PDE1A: variants seen among roughly 807,000 people sequenced by gnomAD.
PDE1A encodes the protein phosphodiesterase 1A, also known as dual specificity calcium/calmodulin-dependent 3',5'-cyclic nucleotide phosphodiesterase 1A.
Under a neutral mutation model 61.7 loss-of-function variants are expected in PDE1A, and 35 were observed. The observed-to-expected ratio is 0.57, with a 90% CI of 0.43 to 0.75. PDE1A has a LOEUF of 0.75. Ranked by LOEUF, PDE1A falls within the 30% of genes least tolerant of loss-of-function variation. PDE1A has a pLI of 0.00. For missense variants in PDE1A, 597 were observed against 630.6 expected, an observed-to-expected ratio of 0.95 and a Z score of 0.57; for synonymous variants, 232 against 213.2, an observed-to-expected ratio of 1.09 and a Z score of -0.77.
At chr2:182,290,846 T>C (rs879682483) in intron 1 of PDE1A, among the ~76,000 whole-genome samples, 2 of 151,936 alleles carry the variant, frequency 1.3e-5, no homozygotes, top group Non-Finnish European at 2.9e-5. Context: ...AACCAATAAC[T>C]TCACCTTCCA....
the PDE1A span, among the ~76,000 whole-genome samples, chr2:182,639,648 A>G: frequency 6.6e-6 from 1 of 152,100 alleles, no homozygotes; most frequent in Non-Finnish European, 1.5e-5. Context: ...AAATACAGTA[A>G]GAGATATTGA....
chr2:182,228,538 T>C (rs2568677), intron 6 of PDE1A, among the ~76,000 whole-genome samples: 4,890 of 152,248 alleles, frequency 0.032, 268 homozygotes, highest in African/African-American at 0.11. Flanking sequence ...TAAAGCTTTT[T>C]TGTTTCAAAG....
the PDE1A span, among the ~76,000 whole-genome samples, chr2:182,697,246 G>C: frequency 1.3e-5 from 2 of 152,190 alleles, no homozygotes; most frequent in Non-Finnish European, 2.9e-5. Flanking sequence ...AAGGAACATG[G>C]ACCTTGGGGT....
At chr2:182,199,366 T>G (rs1686414232) in intron 10 of PDE1A, among the ~76,000 whole-genome samples, 1 of 152,062 alleles carries the variant, frequency 6.6e-6, no homozygotes, top group African/African-American at 2.4e-5. Flanking sequence ...TGATTCAATT[T>G]TCTTAATTTC....
chr2:182,639,645 G>T, the PDE1A span, among the ~76,000 whole-genome samples: 1 of 151,916 alleles, frequency 6.6e-6, no homozygotes, highest in African/African-American at 2.4e-5. Flanking sequence ...GAAAAATACA[G>T]TAAGAGATAT....
At chr2:182,627,248 AATAAT>A in the PDE1A span, among the ~76,000 whole-genome samples, 16 of 27,884 alleles carry the variant, frequency 5.7e-4, no homozygotes, top group Admixed American at 9.2e-4. Flanking sequence ...ATAAAATATA[AATAAT>A]ATATTATTTA....
At chr2:182,322,255 A>C (rs1696741464) in intron 1 of PDE1A, among the ~76,000 whole-genome samples, 1 of 152,210 alleles carries the variant, frequency 6.6e-6, no homozygotes. Flanking sequence ...TCGAGACTTC[A>C]TAGATTCCAG....
upstream of PDE1A, among the ~76,000 whole-genome samples, chr2:182,527,330 A>ATG (rs1690792092): frequency 1.4e-3 from 10 of 7,380 alleles, 1 homozygote; most frequent in African/African-American, 5.9e-3. Context: ...AAAAAAAAAT[A>ATG]TATATATATA....
intron 1 of PDE1A, among the ~76,000 whole-genome samples, chr2:182,358,182 C>T (rs1306996126): frequency 6.6e-6 from 1 of 152,148 alleles, no homozygotes; most frequent in Non-Finnish European, 1.5e-5. Flanking sequence ...CCTGTAATGG[C>T]TTCATAGTGT....
At chr2:182,444,997 T>C (rs1685042671) in intron 2 of PDE1A, among the ~76,000 whole-genome samples, 2 of 152,246 alleles carry the variant, frequency 1.3e-5, no homozygotes, top group Non-Finnish European at 2.9e-5. Context: ...ATTGTTTTTA[T>C]TGGCTGTAGA....
intron 7 of PDE1A, among the ~76,000 whole-genome samples, chr2:182,208,520 G>A (rs1249308036): frequency 5.9e-5 from 9 of 152,118 alleles, no homozygotes; most frequent in Non-Finnish European, 1.5e-5. Flanking sequence ...GAGATTTGGT[G>A]GGGACACGGA....
At chr2:182,579,730 A>T in the PDE1A span, among the ~76,000 whole-genome samples, 1 of 152,244 alleles carries the variant, frequency 6.6e-6, no homozygotes, top group Non-Finnish European at 1.5e-5. Context: ...TGCCCAAAAA[A>T]AAAAGGAGAA....
chr2:182,392,237 G>A (rs746564649), intron 1 of PDE1A, among the ~76,000 whole-genome samples: 1 of 152,170 alleles, frequency 6.6e-6, no homozygotes, highest in Non-Finnish European at 1.5e-5. Context: ...GAAGGCAAAG[G>A]AGGAACAAAG....
At chr2:182,649,567 C>T in the PDE1A span, among the ~76,000 whole-genome samples, 7 of 145,092 alleles carry the variant, frequency 4.8e-5, no homozygotes, top group East Asian at 1.0e-3. Context: ...CCCAGCAGTT[C>T]GAGACCAGCC....
chr2:182,451,515 C>T (rs1256005001), intron 2 of PDE1A, among the ~76,000 whole-genome samples: 4 of 152,182 alleles, frequency 2.6e-5, no homozygotes, highest in South Asian at 4.1e-4. Context: ...TCAGAAAATG[C>T]TGTACCTTAC....
the PDE1A span, among the ~76,000 whole-genome samples, chr2:182,559,271 G>A: frequency 2.0e-5 from 3 of 152,064 alleles, no homozygotes; most frequent in Admixed American, 2.0e-4. Flanking sequence ...GAACAAGGGA[G>A]ACTGATATAA....
At chr2:182,532,250 C>A in the PDE1A span, among the ~76,000 whole-genome samples, 1 of 152,058 alleles carries the variant, frequency 6.6e-6, no homozygotes, top group East Asian at 1.9e-4. Flanking sequence ...ATTAAATATA[C>A]CCAATACAAA....
At chr2:182,408,587 G>A (rs1341254342) in intron 1 of PDE1A, among the ~76,000 whole-genome samples, 1 of 152,104 alleles carries the variant, frequency 6.6e-6, no homozygotes, top group Admixed American at 6.5e-5. Context: ...ATAAAGGGTG[G>A]ACTAAATGAA....
the PDE1A span, among the ~76,000 whole-genome samples, chr2:182,651,970 C>T: frequency 1.3e-5 from 2 of 152,164 alleles, no homozygotes; most frequent in Non-Finnish European, 2.9e-5. Context: ...AGGGATCCAA[C>T]ATACTTAGCT....
Sources: allele counts gnomAD v4.1 joint callset (sites outside exome capture counted in the v4.1 genomes callset), GRCh38; gene constraint gnomAD v4.1.1; transcripts MANE v1.5; gene names NCBI Gene and HGNC (gene_info 2026-07-23, HGNC 2026-07-21).